The following CNTLN variants were observed in gnomAD, a reference collection of about 807,000 sequenced individuals.
The protein encoded by CNTLN is centlein, centrosomal protein.
Under a neutral mutation model 180.0 loss-of-function variants are expected in CNTLN, and 212 were observed. The ratio of observed to expected loss-of-function variants is 1.18; its 90% confidence interval spans 1.05 to 1.32. The LOEUF is 1.32. Ranked by LOEUF, CNTLN falls within the 40% of genes most tolerant of loss-of-function variation. The pLI is 0.00. For missense variants in CNTLN, 2,095 were observed against 1,610.9 expected, an observed-to-expected ratio of 1.30 and a Z score of -5.14; for synonymous variants, 722 against 563.1, an observed-to-expected ratio of 1.28 and a Z score of -3.99.
At chr9:17,492,496 A>C (rs1479156504) in intron 25 of CNTLN, among the ~76,000 whole-genome samples, 1 of 152,128 alleles carries the variant, frequency 6.6e-6, no homozygotes, top group Non-Finnish European at 1.5e-5. Context: ...ACTTTTATCG[A>C]GTGCTGATAG....
chr9:17,209,555 C>A (rs956006487), intron 2 of CNTLN, among the ~76,000 whole-genome samples: 1 of 152,258 alleles, frequency 6.6e-6, no homozygotes, highest in East Asian at 1.9e-4. Flanking sequence ...TTGGGCCTTG[C>A]TTTTTAGCTC....
intron 15 of CNTLN, among the ~76,000 whole-genome samples, chr9:17,403,216 T>C (rs558918278): frequency 6.6e-6 from 1 of 151,870 alleles, no homozygotes; most frequent in East Asian, 1.9e-4. Flanking sequence ...ACCCATTGTA[T>C]AGATCTTGCC....
chr9:17,229,799 G>C (rs1274530707), intron 3 of CNTLN, among the ~76,000 whole-genome samples: 2 of 152,122 alleles, frequency 1.3e-5, no homozygotes, highest in African/African-American at 4.8e-5. Context: ...GGTAAAAACA[G>C]CTGGGGTAAA....
rs890367718 is a variant in CNTLN at position 17,235,889 on chromosome 9, G to T, written c.669+97G>T. The T allele has an allele frequency of 4.4e-6, 6 of 1,358,830 alleles. No homozygotes were observed. The African/African-American group carries it at 9.0e-5, about 20-fold the overall frequency. 84.2% of individuals were successfully genotyped at this position (1,358,830 alleles called of 1,614,324 possible). A position where few individuals can be genotyped will look rare whatever the true frequency, so the allele number is the denominator to read the frequency against. On this transcript the variant is annotated intron_variant, in intron 4 of 25. Transcript: ENST00000380647. The stretch of plus-strand genomic sequence containing the variant: ...TGGCACAGAAAGTGACAGATTTGGA[G>T]GAAAAATTGCCTTAGGCCCTCCTGT...
chr9:17,342,582 A>G, intron 12 of CNTLN, 138 bp downstream of exon 12: 1 of 747,984 alleles, frequency 1.3e-6, no homozygotes, highest in Non-Finnish European at 2.1e-6. Flanking sequence ...AGAAAAAAAG[A>G]CTAGCTTTTA....
intron 2 of CNTLN, among the ~76,000 whole-genome samples, chr9:17,217,763 G>A (rs908511777): frequency 1.3e-5 from 2 of 152,114 alleles, no homozygotes; most frequent in African/African-American, 4.8e-5. Flanking sequence ...TAAATGTTGA[G>A]TATATGCAGA....
intron 23 of CNTLN, among the ~76,000 whole-genome samples, chr9:17,470,734 G>A (rs77965520): frequency 6.6e-6 from 1 of 151,998 alleles, no homozygotes; most frequent in Non-Finnish European, 1.5e-5. Flanking sequence ...CTGTATGTGA[G>A]AGTCATTTGC....
chr9:17,217,179 T>C (rs1823816596), intron 2 of CNTLN, among the ~76,000 whole-genome samples: 1 of 152,240 alleles, frequency 6.6e-6, no homozygotes, highest in African/African-American at 2.4e-5. Flanking sequence ...GAGATTATAG[T>C]AAGGAATAGT....
At chr9:17,289,171 G>A (rs1439906613) in intron 6 of CNTLN, among the ~76,000 whole-genome samples, 9 of 115,486 alleles carry the variant, frequency 7.8e-5, no homozygotes, top group South Asian at 4.2e-4. Context: ...CATGTTTAGC[G>A]CTTCCTTCAG....
At chr9:17,321,114 T>C (rs532526183) in intron 8 of CNTLN, among the ~76,000 whole-genome samples, 2 of 152,336 alleles carry the variant, frequency 1.3e-5, no homozygotes, top group South Asian at 2.1e-4. Flanking sequence ...CTTTTGTAAA[T>C]ATTCTGTCAG....
At chr9:17,188,734 T>C (rs1389902278) in intron 2 of CNTLN, among the ~76,000 whole-genome samples, 1 of 152,146 alleles carries the variant, frequency 6.6e-6, no homozygotes, top group East Asian at 1.9e-4. Flanking sequence ...TTTTCACATC[T>C]AGAGGTTCCA....
At chr9:17,508,401 T>C (rs982190473), downstream of CNTLN, among the ~76,000 whole-genome samples, 6 of 152,230 alleles carry the variant, frequency 3.9e-5, no homozygotes, top group African/African-American at 1.2e-4. Flanking sequence ...ACAATATTTT[T>C]AACTAAAATA....
At position 17,431,621 on chromosome 9, in the gene CNTLN, G is replaced by C. The variant is rs145067890; in HGVS notation, c.3114+15432G>C. 4.3e-4 allele frequency among the ~76,000 whole-genome samples: 65 copies of C among 152,142 alleles called. 1 individual carries two copies. Among genetic ancestry groups the C allele is most frequent in the African/African-American group, 1.5e-3 (62 of 41,536 alleles). On this transcript the variant is annotated intron_variant, in intron 18 of 25. Transcript: ENST00000380647. The stretch of plus-strand genomic sequence containing the variant: ...ACTCAAAAAATATTGGCCCAAACCA[G>C]TGCCCTGAAGTGTTTTTTCCCAGTG...
At chr9:17,463,636 A>G (rs1010219597) in intron 20 of CNTLN, among the ~76,000 whole-genome samples, 12 of 151,632 alleles carry the variant, frequency 7.9e-5, no homozygotes, top group South Asian at 2.1e-4. Context: ...AAGAGCACTT[A>G]AAAGTGATAT....
At chr9:17,347,161 T>G (rs1463946388) in intron 12 of CNTLN, among the ~76,000 whole-genome samples, 1 of 152,246 alleles carries the variant, frequency 6.6e-6, no homozygotes, top group African/African-American at 2.4e-5. Flanking sequence ...TAATCATGGC[T>G]GGTTTAAAGT....
At chr9:17,519,151 C>G in the CNTLN span, among the ~76,000 whole-genome samples, 6 of 151,532 alleles carry the variant, frequency 4.0e-5, no homozygotes, top group Non-Finnish European at 5.9e-5. Context: ...TGGTCTCAAA[C>G]TCTTGGGCTG....
At chr9:17,174,287 G>A (rs1321720803) in intron 2 of CNTLN, among the ~76,000 whole-genome samples, 1 of 152,166 alleles carries the variant, frequency 6.6e-6, no homozygotes, top group Non-Finnish European at 1.5e-5. Flanking sequence ...TGAATTAGTT[G>A]CTATGAATAT....
At chr9:17,443,815 C>T (rs147868749) in intron 18 of CNTLN, among the ~76,000 whole-genome samples, 13 of 152,106 alleles carry the variant, frequency 8.5e-5, no homozygotes, top group African/African-American at 3.1e-4. Flanking sequence ...GAGTTATCTG[C>T]TATATGGGCA....
chr9:17,187,863 T>G (rs1194131977), intron 2 of CNTLN, among the ~76,000 whole-genome samples: 1 of 151,450 alleles, frequency 6.6e-6, no homozygotes, highest in African/African-American at 2.4e-5. Context: ...CCAGAAGCAG[T>G]TTATGAGACC....
Sources: gnomAD v4.1 joint callset for allele counts (sites outside exome capture counted in the v4.1 genomes callset) on GRCh38, gnomAD v4.1.1 for gene constraint, MANE v1.5 for transcripts, NCBI Gene and HGNC (gene_info 2026-07-23, HGNC 2026-07-21) for gene names.